SLIT3: variants seen among roughly 807,000 people sequenced by gnomAD.
SLIT3 encodes slit homolog 3 protein.
Under a neutral mutation model 184.0 loss-of-function variants are expected in SLIT3, and 68 were observed. That is an observed-to-expected ratio of 0.37 (90% CI 0.30 to 0.45). SLIT3 has a LOEUF of 0.45. Among genes scored for constraint, SLIT3 ranks in the 20% least tolerant of loss-of-function variants. The probability of loss-of-function intolerance (pLI) is 1.00; values close to 1 mark genes in which losing one functional copy is unlikely to be tolerated. For synonymous variants in SLIT3, 831 were observed against 828.6 expected (o/e 1.00, Z -0.05); for missense variants, 1,707 against 2,026.0 (o/e 0.84, Z 3.02).
intron 4 of SLIT3, among the ~76,000 whole-genome samples, chr5:168,947,249 C>T (rs1393024045): frequency 6.6e-6 from 1 of 152,302 alleles, no homozygotes; most frequent in East Asian, 1.9e-4. Flanking sequence ...CAGATGCTTG[C>T]CTCTGCTGGG....
chr5:169,007,720 C>T (rs868407661), intron 4 of SLIT3, among the ~76,000 whole-genome samples: 16 of 152,244 alleles, frequency 1.1e-4, no homozygotes, highest in Non-Finnish European at 1.8e-4. Context: ...CGTTTCTTCC[C>T]GAGAGTAATC....
intron 20 of SLIT3, among the ~76,000 whole-genome samples, chr5:168,745,435 A>T (rs1763770034): frequency 1.3e-5 from 2 of 151,420 alleles, no homozygotes; most frequent in South Asian, 4.2e-4. Flanking sequence ...TTTTTGAGAC[A>T]GAGTCTCACT....
intron 1 of SLIT3, among the ~76,000 whole-genome samples, chr5:169,287,799 G>A (rs1237136689): frequency 2.0e-5 from 3 of 152,168 alleles, no homozygotes; most frequent in African/African-American, 7.2e-5. Context: ...CACAAGTCTT[G>A]CATTCCAAAG....
intron 4 of SLIT3, among the ~76,000 whole-genome samples, chr5:168,925,799 T>C (rs1273202865): frequency 6.6e-6 from 1 of 152,158 alleles, no homozygotes; most frequent in East Asian, 1.9e-4. Flanking sequence ...GGAAAGAGAA[T>C]GTCGTTTGTT....
At chr5:168,746,468 G>A (rs1237231405) in intron 20 of SLIT3, among the ~76,000 whole-genome samples, 3 of 43,696 alleles carry the variant, frequency 6.9e-5, no homozygotes, top group Admixed American at 2.8e-4. Flanking sequence ...GGTGGTGTGC[G>A]GTGGTGTGGG....
chr5:169,175,314 TGGA>T (rs1367814687), intron 4 of SLIT3, among the ~76,000 whole-genome samples: 1 of 152,218 alleles, frequency 6.6e-6, no homozygotes, highest in Non-Finnish European at 1.5e-5. Flanking sequence ...ACCTATGTGG[TGGA>T]GGTGGGATAT....
intron 4 of SLIT3, among the ~76,000 whole-genome samples, chr5:168,896,216 G>A (rs928768909): frequency 6.6e-6 from 1 of 152,160 alleles, no homozygotes; most frequent in Non-Finnish European, 1.5e-5. Flanking sequence ...CGGCTCAGGA[G>A]CCTAAAAGAC....
At chr5:169,168,670 G>T (rs1484008403) in intron 4 of SLIT3, among the ~76,000 whole-genome samples, 1 of 152,188 alleles carries the variant, frequency 6.6e-6, no homozygotes. Flanking sequence ...AGGACCCAAA[G>T]TGACAAAGTC....
At chr5:168,795,365 A>T in intron 10 of SLIT3, 142 bp downstream of exon 10, 1 of 685,944 alleles carries the variant, frequency 1.5e-6, no homozygotes, top group African/African-American at 1.8e-5. Context: ...TCCCAAGCTT[A>T]GGACAGCGTT....
intron 4 of SLIT3, among the ~76,000 whole-genome samples, chr5:169,174,103 A>G (rs1762896719): frequency 6.6e-6 from 1 of 152,220 alleles, no homozygotes; most frequent in African/African-American, 2.4e-5. Flanking sequence ...GGCACACCTG[A>G]AAGAAGCTGC....
At chr5:168,873,625 T>C (rs2113771295) in intron 5 of SLIT3, among the ~76,000 whole-genome samples, 1 of 152,128 alleles carries the variant, frequency 6.6e-6, no homozygotes, top group East Asian at 1.9e-4. Flanking sequence ...GAGACTTACT[T>C]TCTCTCTCTC....
At chr5:169,040,675 CTG>C (rs779398954) in intron 4 of SLIT3, among the ~76,000 whole-genome samples, 38 of 152,354 alleles carry the variant, frequency 2.5e-4, no homozygotes, top group Middle Eastern at 3.4e-3. Context: ...CCCTATGGAA[CTG>C]TCTTACCGAT....
At chr5:169,110,404 T>C (rs1422772563) in intron 4 of SLIT3, among the ~76,000 whole-genome samples, 1 of 152,166 alleles carries the variant, frequency 6.6e-6, no homozygotes, top group Non-Finnish European at 1.5e-5. Flanking sequence ...ATCAAGGTGT[T>C]GGCAGGGTTG....
At chr5:168,703,226 TTGTGTGTGTGTGTG>T (rs370363011) in intron 26 of SLIT3, among the ~76,000 whole-genome samples, 2,815 of 126,716 alleles carry the variant, frequency 0.022, 98 homozygotes, top group African/African-American at 0.071. Flanking sequence ...TCATCCCACT[TTGTGTGTGTGTGTG>T]TGTGTGTGTG....
At chr5:169,214,534 G>C (rs1048117400) in intron 3 of SLIT3, among the ~76,000 whole-genome samples, 3 of 152,202 alleles carry the variant, frequency 2.0e-5, no homozygotes, top group Non-Finnish European at 2.9e-5. Flanking sequence ...CCAAAGGGGA[G>C]GTGCGGCAAA....
At chr5:168,891,256 T>C (rs1423958938) in intron 4 of SLIT3, among the ~76,000 whole-genome samples, 1 of 152,138 alleles carries the variant, frequency 6.6e-6, no homozygotes, top group African/African-American at 2.4e-5. Flanking sequence ...AAAATGCCTG[T>C]GGGATAGGCA....
chr5:169,240,893 G>T, intron 3 of SLIT3, among the ~76,000 whole-genome samples: 1 of 149,158 alleles, frequency 6.7e-6, no homozygotes, highest in African/African-American at 2.5e-5. Context: ...TTTTTTTAGA[G>T]GCTATGCTAC....
intron 1 of SLIT3, among the ~76,000 whole-genome samples, chr5:169,275,689 C>T (rs559283956): frequency 6.6e-6 from 1 of 152,286 alleles, no homozygotes; most frequent in African/African-American, 2.4e-5. Context: ...ACCCAGATCT[C>T]ATGAGACTTA....
At chr5:168,777,070 CA>C (rs1755778346) in intron 12 of SLIT3, among the ~76,000 whole-genome samples, 1 of 24,314 alleles carries the variant, frequency 4.1e-5, no homozygotes, top group Non-Finnish European at 7.1e-5. Flanking sequence ...ATACAACACA[CA>C]CACACACACA....
Sources: allele counts gnomAD v4.1 joint callset (sites outside exome capture counted in the v4.1 genomes callset), GRCh38; gene constraint gnomAD v4.1.1; transcripts MANE v1.5; gene names NCBI Gene and HGNC (gene_info 2026-07-23, HGNC 2026-07-21).